The following SPOCK1 variants were observed in gnomAD, a reference collection of about 807,000 sequenced individuals.
SPOCK1 encodes testican-1.
SPOCK1 carries 23 observed loss-of-function variants against 55.3 expected under a neutral mutation model. The ratio of observed to expected loss-of-function variants is 0.42; its 90% CI spans 0.30 to 0.59. The LOEUF is 0.59. SPOCK1 is among the 20% of genes least tolerant of loss of function. The probability of loss-of-function intolerance (pLI) is 0.22; values close to 1 mark genes in which losing one functional copy is unlikely to be tolerated. For synonymous variants in SPOCK1, 226 were observed against 221.0 expected (o/e 1.02, Z -0.20); for missense variants, 499 against 552.5 (o/e 0.90, Z 0.97).
At chr5:137,275,153 ATC>A (rs1757036721) in intron 2 of SPOCK1, among the ~76,000 whole-genome samples, 1 of 152,242 alleles carries the variant, frequency 6.6e-6, no homozygotes, top group African/African-American at 2.4e-5. Context: ...AGCCATTGCC[ATC>A]TTATAGCTTA....
At chr5:137,319,671 C>T (rs1757944129) in intron 2 of SPOCK1, among the ~76,000 whole-genome samples, 5 of 152,174 alleles carry the variant, frequency 3.3e-5, no homozygotes, top group Admixed American at 3.3e-4. Flanking sequence ...TGAGGCCGGG[C>T]GCGGTGGCTC....
intron 3 of SPOCK1, among the ~76,000 whole-genome samples, chr5:137,173,504 A>G (rs539196386): frequency 2.0e-4 from 31 of 152,302 alleles, no homozygotes; most frequent in African/African-American, 7.2e-4. Flanking sequence ...CCATTTCATC[A>G]CCAGCAGCCT....
chr5:137,161,348 G>A (rs1311523930), intron 3 of SPOCK1, among the ~76,000 whole-genome samples: 1 of 151,766 alleles, frequency 6.6e-6, no homozygotes, highest in Non-Finnish European at 1.5e-5. Flanking sequence ...TTGAAATGCA[G>A]CAGTAAACCT....
intron 3 of SPOCK1, among the ~76,000 whole-genome samples, chr5:137,184,006 A>T (rs550639606): frequency 6.6e-6 from 1 of 152,208 alleles, no homozygotes; most frequent in Non-Finnish European, 1.5e-5. Context: ...GATGCCCGAC[A>T]TTATTGACTG....
At chr5:137,396,301 A>G (rs753235056) in intron 2 of SPOCK1, among the ~76,000 whole-genome samples, 15 of 152,234 alleles carry the variant, frequency 9.9e-5, no homozygotes, top group Non-Finnish European at 2.1e-4. Context: ...AAGGCATTTG[A>G]CTAGCACAGT....
chr5:137,136,881 G>C (rs1753995026), intron 4 of SPOCK1, among the ~76,000 whole-genome samples: 1 of 152,060 alleles, frequency 6.6e-6, no homozygotes. Flanking sequence ...TTTCCAAAGA[G>C]AATTCTCCAA....
In SPOCK1 at chr5:137,140,747, ATTTTTTT is replaced by A. The variant is rs11309240; in HGVS notation, c.233-60_233-54del. 1,227 of 352,178 alleles carry A rather than the reference ATTTTTTT, an allele frequency of 3.5e-3. 7 individuals carry two copies. The African/African-American group carries it at 0.035, about 10-fold the overall frequency. The allele number at this position is 352,178 out of a possible 1,614,324, so 21.8% of individuals were successfully genotyped here. Reference sequence around the variant, plus strand: ...GGTTTAGGACCTCCAGGGAAATTTAATTTTTTTTTTTTTTTTTTTTTTTTTTGTTGAG... The same window carrying A: ...GGTTTAGGACCTCCAGGGAAATTTAATTTTTTTTTTTTTTTTTTTGTTGAG... On this transcript the variant is annotated intron_variant, in intron 3 of 10. Coordinates refer to ENST00000394945, the MANE Select transcript of SPOCK1 (RefSeq NM_004598.4).
At chr5:137,297,442 A>AT (rs1439565368) in intron 2 of SPOCK1, among the ~76,000 whole-genome samples, 3 of 152,234 alleles carry the variant, frequency 2.0e-5, no homozygotes, top group South Asian at 2.1e-4. Flanking sequence ...GGAAGCAAAT[A>AT]TAAAAAAAAC....
intron 2 of SPOCK1, among the ~76,000 whole-genome samples, chr5:137,279,181 C>T (rs1757126020): frequency 6.6e-6 from 1 of 152,220 alleles, no homozygotes; most frequent in Admixed American, 6.5e-5. Context: ...ATACTGCACT[C>T]TCTCTGTGTG....
chr5:137,399,276 G>C (rs1391853908), intron 2 of SPOCK1, among the ~76,000 whole-genome samples: 1 of 152,132 alleles, frequency 6.6e-6, no homozygotes, highest in Admixed American at 6.5e-5. Flanking sequence ...GTTTTTGCAG[G>C]CATGAGCTCA....
chr5:137,128,990 T>C (rs907213139), intron 4 of SPOCK1, among the ~76,000 whole-genome samples: 4 of 152,190 alleles, frequency 2.6e-5, no homozygotes, highest in Admixed American at 6.5e-5. Flanking sequence ...GGTACAAAAG[T>C]CTGCTTTAAA....
chr5:137,340,231 C>A (rs939636244), intron 2 of SPOCK1, among the ~76,000 whole-genome samples: 1 of 152,184 alleles, frequency 6.6e-6, no homozygotes, highest in African/African-American at 2.4e-5. Context: ...GGATGACACG[C>A]CCTCTTCCAC....
chr5:137,440,601 C>T (rs4246791), intron 2 of SPOCK1, among the ~76,000 whole-genome samples: 150,500 of 152,370 alleles, frequency 0.99, 74,349 homozygotes, highest in Non-Finnish European at 1. Context: ...ACCTTTGCTA[C>T]GAGCAATCAT....
At chr5:137,082,563 T>C (rs1339051055) in intron 5 of SPOCK1, among the ~76,000 whole-genome samples, 1 of 151,974 alleles carries the variant, frequency 6.6e-6, no homozygotes, top group Non-Finnish European at 1.5e-5. Flanking sequence ...CAGGGAATGG[T>C]GACATTGGAT....
chr5:137,424,889 G>A (rs1051607486), intron 2 of SPOCK1, among the ~76,000 whole-genome samples: 22 of 152,178 alleles, frequency 1.4e-4, no homozygotes, highest in Non-Finnish European at 2.9e-4. Flanking sequence ...AATCTTGATG[G>A]TGGTGGTATT....
At chr5:137,164,067 C>A (rs949034374) in intron 3 of SPOCK1, among the ~76,000 whole-genome samples, 6 of 152,126 alleles carry the variant, frequency 3.9e-5, no homozygotes, top group Non-Finnish European at 5.9e-5. Flanking sequence ...TTCATTTGCA[C>A]TTTTGAGCAC....
chr5:136,981,701 G>A (rs1203224824), intron 9 of SPOCK1, among the ~76,000 whole-genome samples: 2 of 152,084 alleles, frequency 1.3e-5, no homozygotes, highest in African/African-American at 2.4e-5. Context: ...TCTGTGGTAC[G>A]GTCTGTGGCA....
intron 3 of SPOCK1, among the ~76,000 whole-genome samples, chr5:137,262,704 C>T (rs938349702): frequency 2.6e-5 from 4 of 152,296 alleles, no homozygotes; most frequent in South Asian, 4.1e-4. Flanking sequence ...TGTACCAGTA[C>T]GATGCCCCAA....
At chr5:137,163,634 CA>C (rs1754599141) in intron 3 of SPOCK1, among the ~76,000 whole-genome samples, 1 of 152,178 alleles carries the variant, frequency 6.6e-6, no homozygotes, top group African/African-American at 2.4e-5. Context: ...TTTATAGATG[CA>C]AAAACTTGGG....
Sources: allele counts gnomAD v4.1 joint callset (sites outside exome capture counted in the v4.1 genomes callset), GRCh38; gene constraint gnomAD v4.1.1; transcripts MANE v1.5; gene names NCBI Gene and HGNC (gene_info 2026-07-23, HGNC 2026-07-21).